ICA1: variants seen among roughly 807,000 people sequenced by gnomAD.
ICA1 encodes islet cell autoantigen 1, also known as 69 kDa islet cell autoantigen.
A neutral mutation model predicts 71.0 loss-of-function variants in ICA1; 40 were observed. That is an observed-to-expected ratio of 0.56 (90% confidence interval 0.44 to 0.73). The LOEUF (loss-of-function observed/expected upper bound fraction) is 0.73, where lower values mean the gene tolerates loss of function less well. Ranked by LOEUF, ICA1 falls within the 30% of genes least tolerant of loss-of-function variation. The pLI is 0.00. For synonymous variants in ICA1, 207 were observed against 209.5 expected (o/e 0.99, Z 0.10); for missense variants, 578 against 576.5 (o/e 1.00, Z -0.03).
chr7:8,168,290 T>C (rs1273000329), intron 6 of ICA1, among the ~76,000 whole-genome samples: 1 of 152,178 alleles, frequency 6.6e-6, no homozygotes, highest in East Asian at 1.9e-4. Context: ...TACTCCAGTG[T>C]TTCCAAAATT....
intron 1 of ICA1, among the ~76,000 whole-genome samples, chr7:8,242,652 A>C (rs1295677202): frequency 6.6e-6 from 1 of 152,212 alleles, no homozygotes; most frequent in Non-Finnish European, 1.5e-5. Flanking sequence ...GATCAACAAA[A>C]TTGATAGATC....
rs1292722449 is a variant in ICA1 at position 8,173,928 on chromosome 7, A to G, written c.580-15276T>C. 6.6e-6 allele frequency among the ~76,000 whole-genome samples: 1 copy of G among 152,234 alleles called. No homozygotes were observed. Among genetic ancestry groups the G allele is most frequent in the East Asian group, 1.9e-4 (1 of 5,204 alleles). On this transcript the variant is annotated intron_variant, in intron 6 of 13. Transcript: ENST00000402384. The surrounding 1 kb of genome is among the most constrained non-coding windows in gnomAD (Gnocchi z 4.0). ...GGGTGAAACTGGACAATAAATAACA[A>G]AAGTAAACATATTGTCTGTTGGTGA...
At chr7:8,178,450 G>C (rs1041720881) in intron 6 of ICA1, among the ~76,000 whole-genome samples, 2 of 152,146 alleles carry the variant, frequency 1.3e-5, no homozygotes, top group African/African-American at 2.4e-5. Context: ...CTGATAGTAG[G>C]TGCTAAAAAT....
At chr7:8,153,255 C>T (rs1377873257) in intron 8 of ICA1, among the ~76,000 whole-genome samples, 6 of 152,182 alleles carry the variant, frequency 3.9e-5, no homozygotes, top group African/African-American at 1.4e-4. Context: ...TGGGAAGAGA[C>T]ATCTCACAGG....
rs574812257 is a variant in ICA1, at chr7:8,253,585, C to T, written c.-80+8509G>A. 2.6e-5 allele frequency among the ~76,000 whole-genome samples: 4 copies of T among 151,904 alleles called. No homozygotes were observed. In the South Asian group the frequency reaches 8.3e-4, roughly 32 times the overall value. On this transcript the variant is annotated intron_variant, in intron 1 of 13. Transcript: ENST00000402384. ...TACACCAGTTTTTTTCAACCAAAGGCAAATAGAAAATATATCTTCTATTTT... is the reference window on the plus strand; with the variant it reads ...TACACCAGTTTTTTTCAACCAAAGGTAAATAGAAAATATATCTTCTATTTT...
At chr7:8,207,887 A>G (rs751669403) in intron 6 of ICA1, among the ~76,000 whole-genome samples, 1 of 152,236 alleles carries the variant, frequency 6.6e-6, no homozygotes, top group Non-Finnish European at 1.5e-5. Flanking sequence ...AAATATAGAT[A>G]GACTTAGGAC....
intron 6 of ICA1, among the ~76,000 whole-genome samples, chr7:8,210,476 G>T (rs117267894): frequency 3.3e-5 from 5 of 152,042 alleles, no homozygotes; most frequent in African/African-American, 9.7e-5. Context: ...CCACGAAGTC[G>T]AACTAAAAGC....
intron 6 of ICA1, among the ~76,000 whole-genome samples, chr7:8,172,915 A>G (rs532404920): frequency 1.3e-5 from 2 of 152,352 alleles, no homozygotes; most frequent in South Asian, 4.1e-4. Flanking sequence ...AAATATAACT[A>G]GCACACATTT....
intron 8 of ICA1, among the ~76,000 whole-genome samples, chr7:8,146,880 A>ATG (rs1554289657): frequency 1.2e-5 from 1 of 80,690 alleles, no homozygotes; most frequent in Non-Finnish European, 3.4e-5. Context: ...ACACACACAC[A>ATG]CGCACACACA....
At chr7:8,191,145 A>G (rs565045262) in intron 6 of ICA1, among the ~76,000 whole-genome samples, 1 of 152,310 alleles carries the variant, frequency 6.6e-6, no homozygotes, top group South Asian at 2.1e-4. Flanking sequence ...CACTATTTTG[A>G]TGTATAATGT....
chr7:8,210,299 C>T (rs75233749), intron 6 of ICA1, among the ~76,000 whole-genome samples: 3,357 of 152,234 alleles, frequency 0.022, 126 homozygotes, highest in African/African-American at 0.076. Context: ...GAGGATCAGC[C>T]TCTAGCTTGG....
At chr7:8,180,643 T>C (rs1406836104) in intron 6 of ICA1, among the ~76,000 whole-genome samples, 2 of 152,118 alleles carry the variant, frequency 1.3e-5, no homozygotes, top group Non-Finnish European at 2.9e-5. Flanking sequence ...ACATTCTCAT[T>C]CCTTTGATAC....
chr7:8,213,336 G>A (rs1276946615), intron 6 of ICA1, among the ~76,000 whole-genome samples: 1 of 152,110 alleles, frequency 6.6e-6, no homozygotes, highest in Non-Finnish European at 1.5e-5. Context: ...AGATATTAGC[G>A]CTTAAACATT....
chr7:8,261,661 TCAA>T (rs1812460798), intron 1 of ICA1, among the ~76,000 whole-genome samples: 1 of 148,482 alleles, frequency 6.7e-6, no homozygotes, highest in Non-Finnish European at 1.5e-5. Context: ...GGTGAACTTG[TCAA>T]CAAGTCAACC....
intron 6 of ICA1, among the ~76,000 whole-genome samples, chr7:8,207,122 A>T (rs891193961): frequency 1.3e-5 from 2 of 152,238 alleles, no homozygotes; most frequent in African/African-American, 4.8e-5. Context: ...ACAGAACCAC[A>T]GTGAGGAATC....
chr7:8,229,271 C>A (rs1268274415), intron 3 of ICA1, among the ~76,000 whole-genome samples: 1 of 152,114 alleles, frequency 6.6e-6, no homozygotes, highest in Non-Finnish European at 1.5e-5. Flanking sequence ...TTTCATAAAC[C>A]ATACAGAGAG....
chr7:8,247,549 C>T (rs1806520830), intron 1 of ICA1, among the ~76,000 whole-genome samples: 1 of 152,106 alleles, frequency 6.6e-6, no homozygotes, highest in Admixed American at 6.5e-5. Flanking sequence ...GTAGTTTTTT[C>T]CTAACACCCA....
chr7:8,213,528 GAT>G (rs1794493178), intron 6 of ICA1, among the ~76,000 whole-genome samples: 1 of 152,240 alleles, frequency 6.6e-6, no homozygotes, highest in Non-Finnish European at 1.5e-5. Flanking sequence ...TACAGCCTGA[GAT>G]GGTTGAGCAG....
chr7:8,144,032 A>T lies in ICA1; in HGVS notation c.805-60T>A, dbSNP rs1281375704. 4 of 978,190 alleles carry T rather than the reference A, an allele frequency of 4.1e-6. No homozygotes were observed. The highest frequency in any genetic ancestry group is 6.2e-6 in the Non-Finnish European group (4 of 646,990). The allele number at this position is 978,190 out of a possible 1,614,324, so 60.6% of individuals were successfully genotyped here. On this transcript the variant is annotated intron_variant, in intron 8 of 13. Coordinates refer to ENST00000402384, the MANE Select transcript of ICA1 (RefSeq NM_001136020.3). The surrounding 1 kb of genome is among the most constrained non-coding windows in gnomAD (Gnocchi z 4.5). ...AAAAAAGAAGAAGAAATAGAGACAA[A>T]AAAAAGAAAAGAAAGGTTATCAATT...
Sources: allele counts gnomAD v4.1 joint callset (sites outside exome capture counted in the v4.1 genomes callset), GRCh38; gene constraint gnomAD v4.1.1; non-coding constraint Gnocchi (gnomAD v3.1); transcripts MANE v1.5; gene names NCBI Gene and HGNC (gene_info 2026-07-23, HGNC 2026-07-21).